DPP10: variants seen among roughly 807,000 people sequenced by gnomAD.
DPP10 encodes the protein dipeptidyl peptidase like 10.
In DPP10, 33 loss-of-function variants were observed where a neutral mutation model predicts 120.9. The ratio of observed to expected loss-of-function variants is 0.27; its 90% CI spans 0.21 to 0.37. The LOEUF is 0.37. Ranked by LOEUF, DPP10 falls within the 10% of genes least tolerant of loss-of-function variation. The pLI is 1.00. For synonymous variants in DPP10, 337 were observed against 326.1 expected (o/e 1.03, Z -0.36); for missense variants, 816 against 942.8 (o/e 0.87, Z 1.76).
intron 3 of DPP10, among the ~76,000 whole-genome samples, chr2:115,389,978 C>A (rs149341233): frequency 5.8e-4 from 89 of 152,218 alleles, no homozygotes; most frequent in African/African-American, 2.0e-3. Context: ...TAGGCAGGAT[C>A]GTGAGGGCAT....
At chr2:114,740,286 T>C (rs1677897953) in intron 1 of DPP10, among the ~76,000 whole-genome samples, 1 of 145,716 alleles carries the variant, frequency 6.9e-6, no homozygotes, top group South Asian at 2.2e-4. Context: ...ATGTTCTCAC[T>C]CACAGGTGGG....
chr2:114,980,741 G>T (rs1472742590), intron 1 of DPP10, among the ~76,000 whole-genome samples: 1 of 151,504 alleles, frequency 6.6e-6, no homozygotes, highest in Admixed American at 6.6e-5. Flanking sequence ...TAACAATAAT[G>T]ATACCTCCCA....
rs143837422 is a variant in DPP10, at chr2:115,737,264, G to C, written c.698-2475G>C. 5.3e-5 allele frequency among the ~76,000 whole-genome samples: 8 copies of C among 152,246 alleles called. No individual in the cohort carries two copies. In the East Asian group the frequency reaches 1.5e-3, roughly 29 times the overall value. On this transcript the variant is annotated intron_variant, in intron 8 of 25. Coordinates refer to ENST00000410059, the MANE Select transcript of DPP10 (RefSeq NM_020868.6). The stretch of plus-strand genomic sequence containing the variant: ...GGCAATACAATGGGCAATCACATTT[G>C]TTTTCTGGCTCAATTTCACTTTTAT...
At chr2:115,812,278 A>G (rs17045050) in intron 19 of DPP10, among the ~76,000 whole-genome samples, 2,786 of 152,344 alleles carry the variant, frequency 0.018, 88 homozygotes, top group African/African-American at 0.061. Flanking sequence ...AAAATGCAGT[A>G]TCTTTATGTA....
At chr2:114,544,988 A>C (rs931755067) in intron 1 of DPP10, among the ~76,000 whole-genome samples, 4 of 151,896 alleles carry the variant, frequency 2.6e-5, no homozygotes, top group Non-Finnish European at 4.4e-5. Context: ...AGTAGCTGGG[A>C]TTACAGGCGC....
At chr2:114,662,997 T>C (rs1044476312) in intron 1 of DPP10, among the ~76,000 whole-genome samples, 4 of 152,140 alleles carry the variant, frequency 2.6e-5, no homozygotes, top group Admixed American at 6.5e-5. Context: ...ATTGTTCTTA[T>C]TGAAGTTTGA....
chr2:114,461,177 A>T (rs1211238496), intron 1 of DPP10, among the ~76,000 whole-genome samples: 2 of 152,312 alleles, frequency 1.3e-5, no homozygotes, highest in Middle Eastern at 6.8e-3. Context: ...TTGAAGCTTC[A>T]TCTGAATGAG....
chr2:115,675,647 C>G (rs1041371056), intron 5 of DPP10, among the ~76,000 whole-genome samples: 3 of 152,188 alleles, frequency 2.0e-5, no homozygotes, highest in Non-Finnish European at 4.4e-5. Flanking sequence ...ATTTTGACAA[C>G]AGATACCTGC....
chr2:115,484,613 TA>T (rs1300243683), intron 3 of DPP10, among the ~76,000 whole-genome samples: 4 of 152,088 alleles, frequency 2.6e-5, no homozygotes, highest in African/African-American at 7.2e-5. Flanking sequence ...TTCCATATGC[TA>T]TAGTCATTTT....
rs535209932 is a variant in DPP10 at position 115,689,703 on chromosome 2, A to G, written c.458A>G (p.Tyr153Cys). Reference sequence around the variant, plus strand: ...TAATTTCAGATTTTTCATTATTCGTATACTGCTTCATATGTGATTTACAAC... The same window carrying G: ...TAATTTCAGATTTTTCATTATTCGTGTACTGCTTCATATGTGATTTACAAC... The part of the protein sequence containing the change: ...YDVKQIFHYS[Y>C]TASYVIYNIH... The change falls in exon 6 of 26, where the codon TAT becomes TGT. Residue 153 changes from tyrosine (Y) to cysteine (C), a missense_variant. Physicochemically the swap from Tyr to Cys is radical, Grantham distance 194. Around this residue, in one of 3 missense-constraint regions of DPP10, gnomAD observed 182 missense variants for 207.4 expected, o/e 0.88. Coordinates refer to ENST00000410059, the MANE Select transcript of DPP10 (RefSeq NM_020868.6). The G allele has an allele frequency of 6.3e-7, 1 of 1,578,010 alleles. No individual in the cohort carries two copies. Among genetic ancestry groups the G allele is most frequent in the Non-Finnish European group, 8.7e-7 (1 of 1,154,030 alleles).
rs529235960 is a variant in DPP10, at chr2:115,342,789, A to G, written c.176-1028A>G. 3.9e-5 allele frequency among the ~76,000 whole-genome samples: 6 copies of G among 152,260 alleles called. No homozygotes were observed. In the East Asian group the frequency reaches 5.8e-4, roughly 15 times the overall value. ...TCAAACAATACTCACTATTTTTACT[A>G]TAATTTTTTTTCCATTTTTTCTTGG... On this transcript the variant is annotated intron_variant, in intron 2 of 25. Transcript: ENST00000410059.
chr2:114,537,228 T>A (rs1157893956), intron 1 of DPP10, among the ~76,000 whole-genome samples: 1 of 152,172 alleles, frequency 6.6e-6, no homozygotes, highest in Non-Finnish European at 1.5e-5. Context: ...ATAGAAACAG[T>A]CGGCTAGACT....
At chr2:114,609,535 G>A (rs748673577) in intron 1 of DPP10, among the ~76,000 whole-genome samples, 1 of 152,118 alleles carries the variant, frequency 6.6e-6, no homozygotes, top group Non-Finnish European at 1.5e-5. Context: ...GAAGCCAAGA[G>A]GATTTGAAAC....
At chr2:115,039,576 A>AT (rs1704480144) in intron 1 of DPP10, among the ~76,000 whole-genome samples, 2 of 151,760 alleles carry the variant, frequency 1.3e-5, no homozygotes, top group Admixed American at 6.6e-5. Context: ...TTGTGTGCAC[A>AT]TTTTTTTCCC....
At chr2:114,856,147 T>C (rs1019463387) in intron 1 of DPP10, among the ~76,000 whole-genome samples, 3 of 152,180 alleles carry the variant, frequency 2.0e-5, no homozygotes, top group Non-Finnish European at 4.4e-5. Flanking sequence ...ATAAATATAT[T>C]AAAAGGGATT....
intron 5 of DPP10, among the ~76,000 whole-genome samples, chr2:115,548,379 C>T (rs758180681): frequency 1.2e-4 from 18 of 152,128 alleles, no homozygotes; most frequent in Non-Finnish European, 2.6e-4. Flanking sequence ...CTCTAATTTT[C>T]CTGGCATTAT....
At chr2:114,994,294 G>T (rs546444185) in intron 1 of DPP10, among the ~76,000 whole-genome samples, 1 of 152,228 alleles carries the variant, frequency 6.6e-6, no homozygotes, top group Admixed American at 6.5e-5. Context: ...GAGTAGCATG[G>T]TAAATCTCAA....
chr2:115,363,036 A>G (rs1238752492), intron 3 of DPP10, among the ~76,000 whole-genome samples: 3 of 152,182 alleles, frequency 2.0e-5, no homozygotes, highest in East Asian at 1.9e-4. Flanking sequence ...GACCCAAGCC[A>G]TTAGCCCATC....
intron 5 of DPP10, among the ~76,000 whole-genome samples, chr2:115,600,479 CTTAA>C (rs1335563095): frequency 6.6e-6 from 1 of 152,162 alleles, no homozygotes; most frequent in Non-Finnish European, 1.5e-5. Context: ...TACATATCAA[CTTAA>C]TTAAACGTGT....
Sources: allele counts gnomAD v4.1 joint callset (sites outside exome capture counted in the v4.1 genomes callset), GRCh38; gene constraint gnomAD v4.1.1; regional missense constraint gnomAD v4.1.1; transcripts MANE v1.5; gene names NCBI Gene and HGNC (gene_info 2026-07-23, HGNC 2026-07-21).